Variants in FGF13 observed in about 807,000 individuals in gnomAD.
FGF13 encodes the protein fibroblast growth factor homologous factor 2.
In FGF13, 2 loss-of-function variants were observed where a neutral mutation model predicts 19.5. The observed-to-expected ratio is 0.10, with a 90% CI of 0.04 to 0.32. FGF13 has a LOEUF of 0.32. Among genes scored for constraint, FGF13 ranks in the 10% least tolerant of loss-of-function variants. FGF13 has a pLI of 1.00. For synonymous variants in FGF13, 72 were observed against 76.9 expected (o/e 0.94, Z 0.33); for missense variants, 113 against 192.7 (o/e 0.59, Z 2.45).
rs774269991 is a variant in FGF13, at chrX:138,619,579, C to T, written c.*13271G>A. The T allele has an allele frequency of 2.0e-4, 22 of 110,418 alleles. No individual in the cohort carries two copies. In the East Asian group the frequency reaches 2.3e-3, roughly 11 times the overall value. 9.1% of individuals were successfully genotyped at this position (110,418 alleles called of 1,213,427 possible). ...TTTTTGCAATCTATCCATCTGACAA[C>T]GGTCTAATATCCAGAATCTACAAGG... On this transcript the variant is annotated 3_prime_UTR_variant, in exon 5 of 5. Transcript: ENST00000315930.
intron 1 of FGF13, among the ~76,000 whole-genome samples, chrX:139,195,703 A>G (rs2084365584): frequency 8.9e-6 from 1 of 112,546 alleles, no homozygotes; most frequent in Non-Finnish European, 1.9e-5. Flanking sequence ...ACAGATAAAT[A>G]CTACATGATT....
intron 3 of FGF13, among the ~76,000 whole-genome samples, chrX:138,749,342 C>A (rs1487766881): frequency 9.4e-6 from 1 of 106,860 alleles, no homozygotes; most frequent in African/African-American, 3.4e-5. Context: ...CACACACACA[C>A]ACACACACAC....
At chrX:138,728,918 C>A (rs775556093) in intron 1 of FGF13, among the ~76,000 whole-genome samples, 2 of 111,397 alleles carry the variant, frequency 1.8e-5, no homozygotes, top group South Asian at 7.6e-4. Flanking sequence ...AGATGGTGAT[C>A]CTGCTCCTAA....
intron 1 of FGF13, among the ~76,000 whole-genome samples, chrX:139,182,634 G>A (rs185648293): frequency 4.5e-5 from 5 of 111,466 alleles, no homozygotes; most frequent in Middle Eastern, 4.6e-3. Flanking sequence ...CCCTCGGGAT[G>A]GGGTGGGGAA....
Position 139,002,033 on chromosome X carries a change from C to T in FGF13, c.-112-137383G>A, listed in dbSNP as rs1162488950. On this transcript the variant is annotated intron_variant, in intron 1 of 2. Transcript: ENST00000421460. Reference sequence around the variant, plus strand: ...CATAAAAAAAGGATGAGTTCATGTCCTTTGCAGGGACATGGATGAAACTGG... The same window carrying T: ...CATAAAAAAAGGATGAGTTCATGTCTTTTGCAGGGACATGGATGAAACTGG... Among the ~76,000 whole-genome samples, 3 of 111,453 alleles carry T rather than the reference C, an allele frequency of 2.7e-5. No homozygotes were observed. The Admixed American group carries it at 2.9e-4, about 11-fold the overall frequency.
At chrX:139,194,659 T>C (rs2084357798) in intron 1 of FGF13, among the ~76,000 whole-genome samples, 1 of 111,456 alleles carries the variant, frequency 9.0e-6, no homozygotes, top group South Asian at 3.8e-4. Flanking sequence ...AAAGCCTTGA[T>C]AGGTGTCGCT....
intron 3 of FGF13, among the ~76,000 whole-genome samples, chrX:138,765,110 G>T (rs1385469889): frequency 1.8e-5 from 2 of 112,099 alleles, no homozygotes; most frequent in African/African-American, 6.5e-5. Context: ...AAAGTCTTAT[G>T]ACCTCACTGA....
At chrX:139,066,822 A>G (rs1264901109) in intron 1 of FGF13, among the ~76,000 whole-genome samples, 4 of 103,190 alleles carry the variant, frequency 3.9e-5, no homozygotes, top group Non-Finnish European at 8.0e-5. Flanking sequence ...AGACACAACC[A>G]AAAAAAAAAA....
chrX:139,033,311 A>G (rs2092237478), intron 1 of FGF13, among the ~76,000 whole-genome samples: 1 of 112,097 alleles, frequency 8.9e-6, no homozygotes, highest in Non-Finnish European at 1.9e-5. Flanking sequence ...AAATGCATTC[A>G]CAAACTTTGC....
At chrX:138,984,588 A>AAGGAGGAGGAGGAGGAGG (rs1162674246) in intron 1 of FGF13, among the ~76,000 whole-genome samples, 2 of 11,515 alleles carry the variant, frequency 1.7e-4, no homozygotes, top group African/African-American at 5.7e-4. Flanking sequence ...GAAGAAGAAG[A>AAGGAGGAGGAGGAGGAGG]AGGAGGAGGA....
At position 138,711,394 on chromosome X, in the gene FGF13, T is replaced by TC. The variant is rs1339704990; in HGVS notation, c.-392_-391insG. On this transcript the variant is annotated 5_prime_UTR_variant, in exon 1 of 5. Transcript: ENST00000315930. Reference sequence around the variant, plus strand: ...ATTTCGCCGGACCCCCTCGCCCTGTTGCCCTTCTGATGGGGGCCAGAGGAG... The same window carrying TC: ...ATTTCGCCGGACCCCCTCGCCCTGTTCGCCCTTCTGATGGGGGCCAGAGGAG... The TC allele has an allele frequency of 5.0e-5, 22 of 441,700 alleles. 2 individuals carry two copies. The East Asian group carries it at 3.0e-3, about 59-fold the overall frequency. 36.4% of individuals were successfully genotyped at this position (441,700 alleles called of 1,213,427 possible). A position where few individuals can be genotyped will look rare whatever the true frequency, so the allele number is the denominator to read the frequency against.
At chrX:138,904,298 G>A (rs2091546621) in intron 1 of FGF13, among the ~76,000 whole-genome samples, 1 of 111,424 alleles carries the variant, frequency 9.0e-6, no homozygotes, top group Non-Finnish European at 1.9e-5. Context: ...TGTGTATCGT[G>A]GTTGTGTGGG....
chrX:138,789,215 C>A (rs774297885), intron 3 of FGF13, among the ~76,000 whole-genome samples: 1 of 110,883 alleles, frequency 9.0e-6, no homozygotes, highest in South Asian at 3.9e-4. Context: ...TGTCGCCAGG[C>A]TGGAGTGCAA....
At chrX:138,811,535 G>A (rs1056478590) in intron 3 of FGF13, among the ~76,000 whole-genome samples, 5 of 110,510 alleles carry the variant, frequency 4.5e-5, no homozygotes, top group East Asian at 2.8e-4. Flanking sequence ...CATGGCGCAC[G>A]TATCCATATG....
intron 1 of FGF13, among the ~76,000 whole-genome samples, chrX:138,931,064 A>G (rs1355913968): frequency 8.9e-6 from 1 of 112,780 alleles, no homozygotes; most frequent in Non-Finnish European, 1.9e-5. Flanking sequence ...ATTTTCTACC[A>G]TAATCAGAAT....
intron 1 of FGF13, among the ~76,000 whole-genome samples, chrX:138,724,940 G>T (rs2090174112): frequency 8.9e-6 from 1 of 112,073 alleles, no homozygotes; most frequent in African/African-American, 3.2e-5. Context: ...AAACCTAGAT[G>T]AAGGGTATAT....
At chrX:139,016,614 G>T (rs779607231) in intron 1 of FGF13, among the ~76,000 whole-genome samples, 1 of 112,267 alleles carries the variant, frequency 8.9e-6, no homozygotes, top group Admixed American at 9.4e-5. Context: ...GACTCGGGAG[G>T]TCTCCCAAGC....
intron 3 of FGF13, among the ~76,000 whole-genome samples, chrX:138,777,877 T>G (rs189204965): frequency 1.9e-3 from 206 of 109,211 alleles, no homozygotes; most frequent in African/African-American, 6.6e-3. Flanking sequence ...ATATCACCTG[T>G]CATACCAAGA....
At chrX:139,081,842 A>G (rs955587073) in intron 1 of FGF13, among the ~76,000 whole-genome samples, 1 of 111,002 alleles carries the variant, frequency 9.0e-6, no homozygotes, top group Non-Finnish European at 1.9e-5. Flanking sequence ...TCAAGACACC[A>G]TCATCTTTTG....
Sources: gnomAD v4.1 joint callset for allele counts (sites outside exome capture counted in the v4.1 genomes callset) on GRCh38, gnomAD v4.1.1 for gene constraint, MANE v1.5 for transcripts, NCBI Gene and HGNC (gene_info 2026-07-23, HGNC 2026-07-21) for gene names.